STK3: variants seen among roughly 807,000 people sequenced by gnomAD.
The protein encoded by STK3 is serine/threonine-protein kinase 3.
Under a neutral mutation model 58.0 loss-of-function variants are expected in STK3, and 41 were observed. That is an observed-to-expected ratio of 0.71 (90% CI 0.55 to 0.92). The LOEUF is 0.92. Among genes scored for constraint, STK3 ranks in the 40% least tolerant of loss-of-function variants. STK3 has a pLI of 0.00. For missense variants in STK3, 479 were observed against 602.7 expected (o/e 0.79, Z 2.15); for synonymous variants, 170 against 191.0 (o/e 0.89, Z 0.91).
chr8:98,785,323 C>T (rs1054860407), intron 1 of STK3, among the ~76,000 whole-genome samples: 20 of 152,196 alleles, frequency 1.3e-4, no homozygotes, highest in African/African-American at 4.6e-4. Flanking sequence ...CATATCCAGG[C>T]AGATGTCCAG....
chr8:98,435,703 G>A (rs1016397201), intron 2 of STK3, among the ~76,000 whole-genome samples: 3 of 152,098 alleles, frequency 2.0e-5, no homozygotes, highest in Admixed American at 6.5e-5. Context: ...CTGGATGGAT[G>A]GTGGTGCCAC....
At chr8:98,796,805 C>A (rs942022159) in intron 1 of STK3, among the ~76,000 whole-genome samples, 1 of 152,096 alleles carries the variant, frequency 6.6e-6, no homozygotes. Flanking sequence ...AAGACATGAA[C>A]AAACTTTCAT....
At chr8:98,714,138 T>C (rs1826788705) in intron 4 of STK3, among the ~76,000 whole-genome samples, 1 of 152,168 alleles carries the variant, frequency 6.6e-6, no homozygotes, top group Non-Finnish European at 1.5e-5. Flanking sequence ...CTCAAAATAA[T>C]AGGAGCTATC....
intron 1 of STK3, among the ~76,000 whole-genome samples, chr8:98,797,730 T>C (rs1833270494): frequency 6.6e-6 from 1 of 152,232 alleles, no homozygotes; most frequent in South Asian, 2.1e-4. Flanking sequence ...GTTTTTCTAG[T>C]AGAAATTGAC....
At chr8:98,832,322 C>T (rs112848947) in intron 3 of STK3, among the ~76,000 whole-genome samples, 6,924 of 150,474 alleles carry the variant, frequency 0.046, 171 homozygotes, top group African/African-American at 0.059. Flanking sequence ...GCACAATAAG[C>T]AAACATGCAT....
chr8:98,672,882 T>TA (rs960153643), intron 6 of STK3, among the ~76,000 whole-genome samples: 80 of 152,276 alleles, frequency 5.3e-4, no homozygotes, highest in African/African-American at 1.7e-3. Context: ...AAGAACTTTT[T>TA]ATGCAGGTTT....
intron 8 of STK3, among the ~76,000 whole-genome samples, chr8:98,561,770 T>A (rs562490464): frequency 3.3e-4 from 50 of 152,140 alleles, no homozygotes; most frequent in Non-Finnish European, 1.2e-4. Context: ...AATACTTACT[T>A]TATAAAGGAC....
intron 1 of STK3, among the ~76,000 whole-genome samples, chr8:98,384,318 G>C: frequency 6.6e-6 from 1 of 152,208 alleles, no homozygotes; most frequent in South Asian, 2.1e-4. Context: ...CATTGCAATA[G>C]GGGCTCTTGA....
chr8:98,636,225 G>A (rs1029951688), intron 6 of STK3, among the ~76,000 whole-genome samples: 4 of 152,072 alleles, frequency 2.6e-5, no homozygotes, highest in African/African-American at 9.7e-5. Context: ...GAGACATGGA[G>A]AGGTTAAATT....
intron 6 of STK3, among the ~76,000 whole-genome samples, chr8:98,697,084 G>A (rs969887084): frequency 1.3e-5 from 2 of 152,134 alleles, no homozygotes; most frequent in Admixed American, 6.5e-5. Context: ...GTTTAATCTT[G>A]GGAGGGTGTA....
intron 4 of STK3, among the ~76,000 whole-genome samples, chr8:98,716,710 C>T (rs1227398808): frequency 6.6e-6 from 1 of 151,888 alleles, no homozygotes; most frequent in African/African-American, 2.4e-5. Context: ...CAAGGGGCCC[C>T]AAAACAACAC....
upstream of STK3, among the ~76,000 whole-genome samples, chr8:98,826,467 T>G (rs1423668786): frequency 2.0e-5 from 3 of 152,134 alleles, no homozygotes; most frequent in Non-Finnish European, 4.4e-5. Flanking sequence ...CCAAATTCAG[T>G]TGCACTGGGC....
chr8:98,655,781 A>G (rs998531350), intron 6 of STK3, among the ~76,000 whole-genome samples: 1 of 152,248 alleles, frequency 6.6e-6, no homozygotes, highest in Non-Finnish European at 1.5e-5. Context: ...CAAAACCACA[A>G]TGAGACACCA....
At chr8:98,849,183 G>A (rs531051642) in intron 3 of STK3, among the ~76,000 whole-genome samples, 15 of 144,624 alleles carry the variant, frequency 1.0e-4, no homozygotes, top group African/African-American at 3.4e-4. Flanking sequence ...CCGAGATCAC[G>A]CCACTGCACT....
At chr8:98,379,946 C>A (rs1419305542) in intron 1 of STK3, among the ~76,000 whole-genome samples, 2 of 152,124 alleles carry the variant, frequency 1.3e-5, no homozygotes, top group Non-Finnish European at 2.9e-5. Context: ...TAATTACATA[C>A]AATGTAATAT....
At chr8:98,635,341 T>G (rs887474870) in intron 6 of STK3, among the ~76,000 whole-genome samples, 4 of 152,192 alleles carry the variant, frequency 2.6e-5, no homozygotes, top group Non-Finnish European at 5.9e-5. Context: ...ACTAAGTAGC[T>G]TTACAAAAAT....
At chr8:98,599,339 A>G (rs770778559) in intron 6 of STK3, among the ~76,000 whole-genome samples, 3 of 152,248 alleles carry the variant, frequency 2.0e-5, no homozygotes, top group Non-Finnish European at 2.9e-5. Context: ...AGACAGTACA[A>G]ATAAAAGCAA....
chr8:98,625,723 T>C (rs915607493), intron 6 of STK3, among the ~76,000 whole-genome samples: 2 of 152,154 alleles, frequency 1.3e-5, no homozygotes, highest in Non-Finnish European at 1.5e-5. Flanking sequence ...AGGGGATAAT[T>C]TGGGGCAAGG....
chr8:98,374,099 A>G (rs1489492746), intron 2 of STK3, among the ~76,000 whole-genome samples: 1 of 152,216 alleles, frequency 6.6e-6, no homozygotes, highest in Non-Finnish European at 1.5e-5. Context: ...TCAAGAGTTT[A>G]TGTGAAGCAA....
Sources: allele counts gnomAD v4.1 joint callset (sites outside exome capture counted in the v4.1 genomes callset), GRCh38; gene constraint gnomAD v4.1.1; transcripts MANE v1.5; gene names NCBI Gene and HGNC (gene_info 2026-07-23, HGNC 2026-07-21).